PPP1R1A: variants seen among roughly 807,000 people sequenced by gnomAD.
PPP1R1A encodes protein phosphatase 1 regulatory subunit 1A.
In PPP1R1A, 18 loss-of-function variants were observed where a neutral mutation model predicts 23.9. The observed-to-expected ratio is 0.75, with a 90% CI of 0.52 to 1.12. The LOEUF is 1.12. Among genes scored for constraint, PPP1R1A ranks in the 50% most tolerant of loss-of-function variants. The pLI, the probability that PPP1R1A is intolerant of heterozygous loss-of-function variation, is 0.00. For synonymous variants in PPP1R1A, 84 were observed against 80.7 expected, an observed-to-expected ratio of 1.04 and a Z score of -0.22; for missense variants, 207 against 223.8, an observed-to-expected ratio of 0.92 and a Z score of 0.48.
chr12:54,582,096 G>T lies in PPP1R1A; in HGVS notation c.283C>A (p.Gln95Lys). 1.2e-6 allele frequency: 2 copies of T among 1,613,710 alleles called. No individual in the cohort carries two copies. The highest frequency in any genetic ancestry group is 1.7e-6 in the Non-Finnish European group (2 of 1,179,762). Residue 95 changes from glutamine to lysine, a missense_variant, in exon 5 of 7, where the codon CAG (glutamine) becomes AAG (lysine). Physicochemically the swap from Gln to Lys is moderately conservative, Grantham distance 53. Transcript: ENST00000257905. Reference sequence around the variant, plus strand: ...CCCTCAGGTTCCTCTCCTTGCTGCTGTTGCCCCAGGTGATGTTCAACCATC... The same window carrying T: ...CCCTCAGGTTCCTCTCCTTGCTGCTTTTGCCCCAGGTGATGTTCAACCATC... ...QMMVEHHLGQ[Q>K]QQGEEPEGAA...
intron 3 of PPP1R1A, 70 bp from the exon 4 acceptor site, chr12:54,582,865 AG>A: frequency 6.8e-7 from 1 of 1,461,988 alleles, no homozygotes. Flanking sequence ...CTTGCCCTCT[AG>A]CCCCCCATGC....
chr12:54,588,348 C>G (rs975070283), intron 1 of PPP1R1A, 57 bp downstream of exon 1: 1 of 1,430,134 alleles, frequency 7.0e-7, no homozygotes, highest in Non-Finnish European at 9.4e-7. Context: ...CCCACCAGTC[C>G]AGGGGTCCCT....
intron 1 of PPP1R1A, among the ~76,000 whole-genome samples, chr12:54,587,581 C>A (rs907168264): frequency 6.6e-6 from 1 of 152,190 alleles, no homozygotes; most frequent in Non-Finnish European, 1.5e-5. Flanking sequence ...TAAAAATAGA[C>A]CAGGCTAGGA....
intron 1 of PPP1R1A, among the ~76,000 whole-genome samples, chr12:54,585,279 C>T (rs1249769060): frequency 6.6e-6 from 1 of 152,178 alleles, no homozygotes. Flanking sequence ...CTAGGCAGGA[C>T]CCTGGTCAGG....
intron 6 of PPP1R1A, 49 bp from the exon 7 acceptor site, chr12:54,580,441 T>C (rs372671141): frequency 4.8e-5 from 74 of 1,555,538 alleles, no homozygotes; most frequent in Non-Finnish European, 6.2e-5. Flanking sequence ...GGCCAGAGGG[T>C]CATTTTGTCC....
intron 6 of PPP1R1A, 90 bp from the exon 7 acceptor site, chr12:54,580,482 AT>A: frequency 5.4e-6 from 7 of 1,303,736 alleles, no homozygotes; most frequent in Non-Finnish European, 7.7e-6. Flanking sequence ...ATTTGTCAAC[AT>A]CTAATGTCTC....
chr12:54,584,955 T>G (rs1327977670), intron 1 of PPP1R1A, among the ~76,000 whole-genome samples: 3 of 152,180 alleles, frequency 2.0e-5, no homozygotes, highest in Non-Finnish European at 2.9e-5. Flanking sequence ...CTTGCTGTCC[T>G]TCCGTCCATC....
In PPP1R1A at chr12:54,580,354, T is replaced by C; in HGVS notation, c.*33A>G. 3 of 1,613,364 alleles carry C rather than the reference T, an allele frequency of 1.9e-6. No individual in the cohort carries two copies. The highest frequency in any genetic ancestry group is 1.1e-5 in the South Asian group (1 of 90,922). On this transcript the variant is annotated 3_prime_UTR_variant, in exon 7 of 7. Coordinates refer to ENST00000257905, the MANE Select transcript of PPP1R1A (RefSeq NM_006741.4). ...ATCCGGTGTCCATGCATTCCCAAAC[T>C]GCAGTCTTGATCCCAAGATACCTCC... is the stretch of plus-strand genomic sequence containing the variant.
At chr12:54,584,441 T>C (rs1976821) in intron 1 of PPP1R1A, 121 bp from the exon 2 acceptor site, 268,529 of 895,424 alleles carry the variant, frequency 0.3, 43,125 homozygotes, top group Middle Eastern at 0.43. Context: ...AAAAATGCCA[T>C]GTTAATGCAG....
At chr12:54,588,269 C>CCCCCCCCACACA in intron 1 of PPP1R1A, 136 bp downstream of exon 1, 1 of 317,308 alleles carries the variant, frequency 3.2e-6, no homozygotes. Context: ...CCCCCCCGCC[C>CCCCCCCCACACA]CCCGCAAACT....
chr12:54,586,197 AG>A (rs1247917622), intron 1 of PPP1R1A, among the ~76,000 whole-genome samples: 2 of 152,176 alleles, frequency 1.3e-5, no homozygotes, highest in Admixed American at 6.5e-5. Context: ...AGAGGGCAGC[AG>A]GGCTGTCTGG....
In PPP1R1A at chr12:54,579,937, T is replaced by C. The variant is rs1208453361; in HGVS notation, c.*450A>G. 2 of 994,136 alleles carry C rather than the reference T, an allele frequency of 2.0e-6. No homozygotes were observed. Among genetic ancestry groups the C allele is most frequent in the African/African-American group, 3.5e-5 (2 of 57,442 alleles). The allele number at this position is 994,136 out of a possible 1,614,324, so 61.6% of individuals were successfully genotyped here. A position where few individuals can be genotyped will look rare whatever the true frequency, so the allele number is the denominator to read the frequency against. On this transcript the variant is annotated 3_prime_UTR_variant, in exon 7 of 7. Transcript: ENST00000257905. The stretch of plus-strand genomic sequence containing the variant: ...TCACAGCTGGACACGGCACAGGCCT[T>C]AGAGCGCCGAGTCTTCCAGCTGCAG...
At chr12:54,583,346 C>T in intron 2 of PPP1R1A, 98 bp from the exon 3 acceptor site, 6 of 1,178,586 alleles carry the variant, frequency 5.1e-6, no homozygotes, top group Non-Finnish European at 5.7e-6. Context: ...AGCCATGCTC[C>T]TCCTGATCTG....
chr12:54,587,866 G>A (rs12320415), intron 1 of PPP1R1A, among the ~76,000 whole-genome samples: 12,429 of 152,036 alleles, frequency 0.082, 996 homozygotes, highest in East Asian at 0.41. Context: ...GTGGTCCTCA[G>A]TCCCTTCCTG....
At chr12:54,582,828 G>GC (rs760531509) in intron 3 of PPP1R1A, 33 bp from the exon 4 acceptor site, 6 of 1,603,500 alleles carry the variant, frequency 3.7e-6, no homozygotes, top group South Asian at 3.3e-5. Context: ...ATGGGCGCCA[G>GC]CCCCCCCTTG....
In PPP1R1A at chr12:54,579,800, G is replaced by A. The variant is rs1957836165; in HGVS notation, c.*587C>T. 2 of 985,522 alleles carry A rather than the reference G, an allele frequency of 2.0e-6. No homozygotes were observed. The highest frequency in any genetic ancestry group is 2.4e-6 in the Non-Finnish European group (2 of 830,112). 61.0% of individuals were successfully genotyped at this position (985,522 alleles called of 1,614,324 possible). A position where few individuals can be genotyped will look rare whatever the true frequency, so the allele number is the denominator to read the frequency against. ...GGGAATCCAAAAGGAAGGCAGCTGG[G>A]GCTTGGAGGGCAGGCGAGGAGGTAT... On this transcript the variant is annotated 3_prime_UTR_variant, in exon 7 of 7. Transcript: ENST00000257905.
chr12:54,584,422 C>T (rs1957888898), intron 1 of PPP1R1A, 102 bp from the exon 2 acceptor site: 5 of 1,126,476 alleles, frequency 4.4e-6, no homozygotes, highest in Non-Finnish European at 6.3e-6. Context: ...GCCTACTTAA[C>T]ACACCTCAAA....
At chr12:54,583,758 G>A (rs529591388) in intron 2 of PPP1R1A, among the ~76,000 whole-genome samples, 23 of 152,120 alleles carry the variant, frequency 1.5e-4, no homozygotes, top group Non-Finnish European at 3.1e-4. Context: ...TGTCCCCCTC[G>A]CTTCCATACT....
chr12:54,588,074 G>GC (rs1270254154), intron 1 of PPP1R1A, among the ~76,000 whole-genome samples: 1 of 152,030 alleles, frequency 6.6e-6, no homozygotes, highest in African/African-American at 2.4e-5. Flanking sequence ...CTGGGTGGGG[G>GC]ATGCAGGGTT....
Sources: gnomAD v4.1 joint callset for allele counts (sites outside exome capture counted in the v4.1 genomes callset) on GRCh38, gnomAD v4.1.1 for gene constraint, MANE v1.5 for transcripts, NCBI Gene and HGNC (gene_info 2026-07-23, HGNC 2026-07-21) for gene names.